Variants in ANKS6 observed in about 807,000 individuals in gnomAD.
The protein encoded by ANKS6 is ankyrin repeat and SAM domain-containing protein 6.
In ANKS6, 47 loss-of-function variants were observed where a neutral mutation model predicts 77.9. The observed-to-expected ratio is 0.60, with a 90% CI of 0.48 to 0.77. The LOEUF is 0.77. Ranked by LOEUF, ANKS6 falls within the 30% of genes least tolerant of loss-of-function variation. ANKS6 has a pLI of 0.00. For missense variants in ANKS6, 1,150 were observed against 1,159.1 expected (o/e 0.99, Z 0.11); for synonymous variants, 488 against 501.7 (o/e 0.97, Z 0.37).
rs535142693 is a variant in ANKS6, at chr9:98,749,819, C to T, written c.2394+1210G>A. Reference sequence around the variant, plus strand: ...CCTATTTGTTTCTTGAACTAAAATACGAGCTCCTCAACTGCATCTCAAGTC... The same window carrying T: ...CCTATTTGTTTCTTGAACTAAAATATGAGCTCCTCAACTGCATCTCAAGTC... On this transcript the variant is annotated intron_variant, in intron 13 of 14. Coordinates refer to ENST00000353234, the MANE Select transcript of ANKS6 (RefSeq NM_173551.5). Among the ~76,000 whole-genome samples the T allele has an allele frequency of 1.0e-3, 156 of 152,238 alleles. 1 individual carries two copies. Among genetic ancestry groups the T allele is most frequent in the African/African-American group, 3.5e-3 (145 of 41,534 alleles).
intron 14 of ANKS6, 40 bp downstream of exon 14, chr9:98,745,519 A>G: frequency 6.4e-7 from 1 of 1,570,206 alleles, no homozygotes; most frequent in Non-Finnish European, 8.8e-7. Context: ...AAGCTCTCAG[A>G]TGTCTGAAAC....
chr9:98,785,658 G>C (rs534664817), intron 2 of ANKS6, among the ~76,000 whole-genome samples: 75 of 152,222 alleles, frequency 4.9e-4, no homozygotes, highest in African/African-American at 1.7e-3. Flanking sequence ...CTGCTTGCTG[G>C]GGGGCTGAAG....
chr9:98,784,523 A>G (rs940013766), intron 3 of ANKS6: 2 of 414,944 alleles, frequency 4.8e-6, no homozygotes, highest in Admixed American at 8.1e-5. Flanking sequence ...AGAAAATTTT[A>G]GGCTAAATGC....
In ANKS6 at chr9:98,790,258, C is replaced by A. The variant is rs1469880890; in HGVS notation, c.708G>T (p.Gly236=). 8.1e-6 allele frequency: 13 copies of A among 1,605,672 alleles called. No individual in the cohort carries two copies. Among genetic ancestry groups the A allele is most frequent in the Middle Eastern group, 1.7e-4 (1 of 6,048 alleles). Reference sequence around the variant, plus strand: ...CCAGCTGCTGGGCCACTCCAAGCCGCCCAGTGAGTGCGGCCAGCATCAGCG... The same window carrying A: ...CCAGCTGCTGGGCCACTCCAAGCCGACCAGTGAGTGCGGCCAGCATCAGCG... ...WSPLMLAALT[G]RLGVAQQLVE... is the part of the protein sequence containing the mutation. Residue 236 remains glycine (G), a synonymous_variant, in exon 2 of 15, where the codon GGG becomes GGT. Coordinates refer to ENST00000353234, the MANE Select transcript of ANKS6 (RefSeq NM_173551.5).
At chr9:98,745,712 A>G (rs373881300) in intron 13 of ANKS6, 37 bp from the exon 14 acceptor site, 34 of 1,519,902 alleles carry the variant, frequency 2.2e-5, no homozygotes, top group Middle Eastern at 1.7e-4. Flanking sequence ...CATCTGCTGG[A>G]TGCCACAGTT....
At position 98,733,832 on chromosome 9, in the gene ANKS6, C is replaced by T. The variant is rs768604568; in HGVS notation, c.*2687G>A. The T allele has an allele frequency of 3.1e-5, 31 of 985,296 alleles. No homozygotes were observed. In the East Asian group the frequency reaches 1.5e-3, roughly 47 times the overall value. 61.0% of individuals were successfully genotyped at this position (985,296 alleles called of 1,614,324 possible). Reference sequence around the variant, plus strand: ...ACCCCACTTTCACATACACACCCTACGTTTCTTTATGAAAAACCTATTATC... The same window carrying T: ...ACCCCACTTTCACATACACACCCTATGTTTCTTTATGAAAAACCTATTATC... On this transcript the variant is annotated 3_prime_UTR_variant, in exon 15 of 15. Coordinates refer to ENST00000353234, the MANE Select transcript of ANKS6 (RefSeq NM_173551.5).
At chr9:98,781,120 G>A (rs1358983652) in intron 5 of ANKS6, among the ~76,000 whole-genome samples, 1 of 152,062 alleles carries the variant, frequency 6.6e-6, no homozygotes, top group South Asian at 2.1e-4. Context: ...GGCTGGTCTC[G>A]AACCCCTGGC....
intron 1 of ANKS6, 62 bp downstream of exon 1, chr9:98,796,071 C>T: frequency 1.6e-6 from 2 of 1,263,272 alleles, no homozygotes; most frequent in African/African-American, 1.6e-5. Context: ...CGCCGGGGAC[C>T]GCGTCTCGGG....
intron 2 of ANKS6, among the ~76,000 whole-genome samples, chr9:98,785,232 C>T (rs1424290048): frequency 6.6e-6 from 1 of 152,188 alleles, no homozygotes; most frequent in East Asian, 1.9e-4. Context: ...TTCCCATGGA[C>T]ATTGTTTAAA....
intron 13 of ANKS6, among the ~76,000 whole-genome samples, chr9:98,746,582 CTTTTT>C (rs71496901): frequency 0.049 from 6,572 of 133,290 alleles, 453 homozygotes; most frequent in African/African-American, 0.17. Context: ...GCACAGAGAG[CTTTTT>C]TTTTTTTTTT....
rs747055880 is a variant in ANKS6 at position 98,784,890 on chromosome 9, G to A, written c.863-14C>T. The A allele has an allele frequency of 1.9e-6, 3 of 1,611,330 alleles. No homozygotes were observed. The highest frequency in any genetic ancestry group is 3.4e-5 in the Admixed American group (2 of 59,554). ...TTTTCTCCTCATCTGGGTAAACAAA[G>A]ATTTTTAAAGTTAACCACGGAAAGG... On this transcript the variant is annotated splice_polypyrimidine_tract_variant and intron_variant, in intron 2 of 14. Coordinates refer to ENST00000353234, the MANE Select transcript of ANKS6 (RefSeq NM_173551.5).
At chr9:98,744,160 G>A (rs1460755700) in intron 14 of ANKS6, among the ~76,000 whole-genome samples, 3 of 152,228 alleles carry the variant, frequency 2.0e-5, no homozygotes, top group South Asian at 4.1e-4. Context: ...ATTTACAGAG[G>A]AGAAGGAACT....
chr9:98,757,952 T>C (rs1177361174), intron 11 of ANKS6, among the ~76,000 whole-genome samples: 1 of 151,832 alleles, frequency 6.6e-6, no homozygotes, highest in Non-Finnish European at 1.5e-5. Flanking sequence ...AATAAATAAA[T>C]AAATATACAA....
At chr9:98,764,777 T>G (rs1833182860) in intron 11 of ANKS6, among the ~76,000 whole-genome samples, 1 of 152,236 alleles carries the variant, frequency 6.6e-6, no homozygotes, top group South Asian at 2.1e-4. Context: ...TGCATGTTGT[T>G]TATACCTTCT....
At chr9:98,766,085 G>T (rs1010112932) in intron 11 of ANKS6, among the ~76,000 whole-genome samples, 15 of 152,190 alleles carry the variant, frequency 9.9e-5, no homozygotes, top group African/African-American at 3.4e-4. Context: ...CTGGGGTGGA[G>T]CCCAGAAACC....
At chr9:98,795,417 T>G (rs953121674) in intron 1 of ANKS6, among the ~76,000 whole-genome samples, 7 of 152,084 alleles carry the variant, frequency 4.6e-5, no homozygotes, top group African/African-American at 1.7e-4. Flanking sequence ...CTAGGATAGC[T>G]AGCGTTTCTC....
chr9:98,775,398 C>G (rs1833871291), intron 8 of ANKS6, among the ~76,000 whole-genome samples: 1 of 152,154 alleles, frequency 6.6e-6, no homozygotes, highest in Non-Finnish European at 1.5e-5. Context: ...GATAAAGAGA[C>G]ACGTTCCTAC....
intron 2 of ANKS6, among the ~76,000 whole-genome samples, chr9:98,789,268 C>T (rs529365460): frequency 6.6e-6 from 1 of 152,074 alleles, no homozygotes; most frequent in Admixed American, 6.6e-5. Context: ...GTCCTGCCGT[C>T]GAAGTCAGGC....
intron 12 of ANKS6, among the ~76,000 whole-genome samples, chr9:98,754,845 T>G (rs1832612608): frequency 6.6e-6 from 1 of 152,208 alleles, no homozygotes; most frequent in Non-Finnish European, 1.5e-5. Flanking sequence ...GCAAACCATT[T>G]TTAATAATGA....
Sources: gnomAD v4.1 joint callset for allele counts (sites outside exome capture counted in the v4.1 genomes callset) on GRCh38, gnomAD v4.1.1 for gene constraint, MANE v1.5 for transcripts, NCBI Gene and HGNC (gene_info 2026-07-23, HGNC 2026-07-21) for gene names.